The following FUT8 variants were observed in gnomAD, a reference collection of about 807,000 sequenced individuals.
FUT8 encodes fucosyltransferase 8.
In FUT8, 29 loss-of-function variants were observed where a neutral mutation model predicts 71.3. That is an observed-to-expected ratio of 0.41 (90% CI 0.30 to 0.55). FUT8 has a LOEUF of 0.55. Ranked by LOEUF, FUT8 falls within the 20% of genes least tolerant of loss-of-function variation. The pLI is 0.34. For synonymous variants in FUT8, 254 were observed against 239.3 expected, an observed-to-expected ratio of 1.06 and a Z score of -0.57; for missense variants, 544 against 702.1, an observed-to-expected ratio of 0.77 and a Z score of 2.55.
chr14:65,677,152 GCGCGCGCGCA>G (rs375002727), intron 7 of FUT8, among the ~76,000 whole-genome samples: 6,560 of 59,044 alleles, frequency 0.11, 207 homozygotes, highest in Admixed American at 0.17. Flanking sequence ...GTGTGTGTGT[GCGCGCGCGCA>G]TGCGCGCGCA....
the FUT8 span, among the ~76,000 whole-genome samples, chr14:65,357,632 T>C: frequency 1.3e-5 from 2 of 152,222 alleles, no homozygotes; most frequent in East Asian, 3.8e-4. Flanking sequence ...TGACCTATTT[T>C]ACAGCCAGAC....
intron 3 of FUT8, among the ~76,000 whole-genome samples, chr14:65,606,512 T>G (rs970151805): frequency 6.6e-5 from 10 of 151,896 alleles, no homozygotes; most frequent in African/African-American, 2.4e-4. Flanking sequence ...CTTCTAAAAT[T>G]TTTAAGTTTT....
intron 9 of FUT8, among the ~76,000 whole-genome samples, chr14:65,730,865 G>A (rs1004178321): frequency 7.9e-5 from 12 of 152,174 alleles, no homozygotes; most frequent in Non-Finnish European, 7.3e-5. Context: ...GTGGAGATTA[G>A]GGATGGGGTT....
At chr14:65,525,240 A>C (rs1883370034) in intron 2 of FUT8, among the ~76,000 whole-genome samples, 1 of 152,050 alleles carries the variant, frequency 6.6e-6, no homozygotes. Context: ...TCAATTTCAG[A>C]GCCTGTGATT....
rs1221575932 is a variant in FUT8, at chr14:65,467,775, G to T, written c.-228+12057G>T. On this transcript the variant is annotated intron_variant, in intron 2 of 10. Transcript: ENST00000673929. This position sits in a 1 kb window ranked among gnomAD's most constrained non-coding sequence, Gnocchi z 4.1. Reference sequence around the variant, plus strand: ...AGGTGTGAGCCACCGTGCCCAGCCAGTCTAGAGGTCTTTTATTTTTTTTAA... The same window carrying T: ...AGGTGTGAGCCACCGTGCCCAGCCATTCTAGAGGTCTTTTATTTTTTTTAA... 38 of 659,134 alleles carry T rather than the reference G, an allele frequency of 5.8e-5. No individual in the cohort carries two copies. The East Asian group carries it at 1.0e-3, about 17-fold the overall frequency. The allele number at this position is 659,134 out of a possible 1,614,324, so 40.8% of individuals were successfully genotyped here.
At chr14:65,633,942 G>T (rs1325735300) in intron 6 of FUT8, among the ~76,000 whole-genome samples, 30 of 149,538 alleles carry the variant, frequency 2.0e-4, no homozygotes, top group Non-Finnish European at 4.0e-4. Context: ...GGAGGGAGGT[G>T]GGGGGTCAGC....
intron 5 of FUT8, among the ~76,000 whole-genome samples, chr14:65,623,554 A>G (rs1889736704): frequency 6.6e-6 from 1 of 151,978 alleles, no homozygotes; most frequent in Non-Finnish European, 1.5e-5. Flanking sequence ...TCCCATCTCT[A>G]CAAATACAAA....
At chr14:65,654,567 G>A (rs952483148) in intron 6 of FUT8, among the ~76,000 whole-genome samples, 3 of 148,280 alleles carry the variant, frequency 2.0e-5, no homozygotes, top group African/African-American at 7.5e-5. Flanking sequence ...CTCCAGCCTG[G>A]GCGACAGAGC....
At chr14:65,576,696 C>CTTTTTTTTTTTTTTTTTTTTTTTTTTTTT (rs376473739) in intron 3 of FUT8, among the ~76,000 whole-genome samples, 2 of 96,216 alleles carry the variant, frequency 2.1e-5, no homozygotes, top group African/African-American at 6.3e-5. Flanking sequence ...GCCCAGCTTG[C>CTTTTTTTTTTTTTTTTTTTTTTTTTTTTT]TTTTTTTTTT....
chr14:65,511,287 G>GT lies in FUT8; in HGVS notation c.-227-50041dup, dbSNP rs568453013. On this transcript the variant is annotated intron_variant, in intron 2 of 10. Coordinates refer to ENST00000673929, the MANE Select transcript of FUT8 (RefSeq NM_001371533.1). ...GGAGAAGATGTTTGACACTATGTGG[G>GT]TTTTTTTTTCTTTAAATGTTTTAAG... Among the ~76,000 whole-genome samples the GT allele has an allele frequency of 3.7e-3, 555 of 150,866 alleles. 1 individual carries two copies. The highest frequency in any genetic ancestry group is 5.3e-3 in the Non-Finnish European group (358 of 67,578).
intron 2 of FUT8, among the ~76,000 whole-genome samples, chr14:65,526,389 G>T (rs1186020144): frequency 3.9e-5 from 6 of 152,108 alleles, no homozygotes; most frequent in Non-Finnish European, 8.8e-5. Context: ...TGCAACCCCT[G>T]CCTTTTTTTG....
At chr14:65,727,042 G>T (rs1395236587) in intron 9 of FUT8, among the ~76,000 whole-genome samples, 1 of 152,194 alleles carries the variant, frequency 6.6e-6, no homozygotes, top group Non-Finnish European at 1.5e-5. Context: ...GATGCAAGAG[G>T]TGAGCTCCTT....
chr14:65,608,614 T>TA (rs1888713176), intron 3 of FUT8, among the ~76,000 whole-genome samples: 1 of 152,024 alleles, frequency 6.6e-6, no homozygotes. Flanking sequence ...ATCAAGTTTT[T>TA]ATTTGGGAGA....
intron 3 of FUT8, among the ~76,000 whole-genome samples, chr14:65,594,778 G>A (rs770995059): frequency 3.3e-5 from 5 of 152,094 alleles, no homozygotes; most frequent in African/African-American, 9.7e-5. Flanking sequence ...CTGAAGTCAA[G>A]TTGCCTCATC....
At chr14:65,500,769 A>C (rs1811165315) in intron 2 of FUT8, among the ~76,000 whole-genome samples, 1 of 152,218 alleles carries the variant, frequency 6.6e-6, no homozygotes, top group South Asian at 2.1e-4. Context: ...AAACTGAACA[A>C]TGGCAGAGGC....
At chr14:65,589,878 T>C (rs534211198) in intron 3 of FUT8, among the ~76,000 whole-genome samples, 52 of 152,346 alleles carry the variant, frequency 3.4e-4, no homozygotes, top group Admixed American at 3.2e-3. Flanking sequence ...TTTTCATTTT[T>C]TAAAAGATGA....
chr14:65,452,223 T>C (rs574922455), intron 1 of FUT8, among the ~76,000 whole-genome samples: 19 of 152,198 alleles, frequency 1.2e-4, no homozygotes, highest in Non-Finnish European at 2.4e-4. Context: ...CAGCATTCAG[T>C]GCTGTCACAA....
At chr14:65,649,973 A>G (rs1266716669) in intron 6 of FUT8, among the ~76,000 whole-genome samples, 1 of 152,180 alleles carries the variant, frequency 6.6e-6, no homozygotes, top group Non-Finnish European at 1.5e-5. Context: ...ATCATACACT[A>G]TATATATTAG....
Position 65,710,767 on chromosome 14 carries a change from A to G in FUT8, c.836-11008A>G, listed in dbSNP as rs2284904. Among the ~76,000 whole-genome samples the G allele has an allele frequency of 8.1e-3, 1,228 of 152,238 alleles. 38 individuals carry two copies. The highest frequency in any genetic ancestry group is 0.051 in the Admixed American group (773 of 15,284). The stretch of plus-strand genomic sequence containing the variant: ...GCTCGTTTTGCATTGCTATAAAGTA[A>G]TACTCAAGGCTGAGTAATTTATAAC... On this transcript the variant is annotated intron_variant, in intron 7 of 10. Transcript: ENST00000673929.
Sources: allele counts gnomAD v4.1 joint callset (sites outside exome capture counted in the v4.1 genomes callset), GRCh38; gene constraint gnomAD v4.1.1; non-coding constraint Gnocchi (gnomAD v3.1); transcripts MANE v1.5; gene names NCBI Gene and HGNC (gene_info 2026-07-23, HGNC 2026-07-21).